Variants in NTRK3 observed in about 807,000 individuals in gnomAD.
The protein encoded by NTRK3 is NT-3 growth factor receptor.
NTRK3 carries 24 observed loss-of-function variants against 91.7 expected under a neutral mutation model. The observed-to-expected ratio is 0.26, with a 90% CI of 0.19 to 0.37. The LOEUF is 0.37. Ranked by LOEUF, NTRK3 falls within the 10% of genes least tolerant of loss-of-function variation. The probability of loss-of-function intolerance (pLI) is 1.00; values close to 1 mark genes in which losing one functional copy is unlikely to be tolerated. For synonymous variants in NTRK3, 483 were observed against 404.0 expected (o/e 1.20, Z -2.34); for missense variants, 880 against 1,068.9 (o/e 0.82, Z 2.46).
At chr15:88,114,695 A>G (rs1254009240) in intron 13 of NTRK3, among the ~76,000 whole-genome samples, 4 of 152,238 alleles carry the variant, frequency 2.6e-5, no homozygotes, top group East Asian at 3.8e-4. Context: ...AGCCTTGACT[A>G]TCTCTGAAAG....
chr15:88,127,042 C>A, intron 12 of NTRK3, 120 bp downstream of exon 12: 1 of 886,300 alleles, frequency 1.1e-6, no homozygotes, highest in South Asian at 1.4e-5. Context: ...TAGTTCAATT[C>A]ATTACTTTTT....
chr15:88,111,927 G>A (rs1305247889), intron 13 of NTRK3, among the ~76,000 whole-genome samples: 6 of 143,052 alleles, frequency 4.2e-5, no homozygotes, highest in Admixed American at 1.4e-4. Context: ...TTTTGAGACA[G>A]ACAGAGTCTC....
At chr15:88,094,393 C>T (rs1035325326) in intron 13 of NTRK3, among the ~76,000 whole-genome samples, 219 of 144,818 alleles carry the variant, frequency 1.5e-3, no homozygotes, top group African/African-American at 5.3e-3. Flanking sequence ...GGCGTGAACC[C>T]GGGAAGCGGA....
At chr15:87,864,143 G>T in exon 19 of NTRK3, 2 of 232,738 alleles carry the variant, frequency 8.6e-6, no homozygotes, top group Non-Finnish European at 8.5e-6. Context: ...GAATTTTCTT[G>T]CCCCAACTTG....
chr15:87,972,439 A>G (rs767080159), intron 14 of NTRK3, among the ~76,000 whole-genome samples: 1 of 152,120 alleles, frequency 6.6e-6, no homozygotes, highest in Non-Finnish European at 1.5e-5. Context: ...TGCTCTGCAA[A>G]CCCTCTCCAT....
intron 17 of NTRK3, among the ~76,000 whole-genome samples, chr15:87,886,465 T>A (rs970220445): frequency 6.6e-6 from 1 of 150,828 alleles, no homozygotes; most frequent in African/African-American, 2.5e-5. Context: ...TGTAAATATA[T>A]CTAAGATATA....
chr15:88,194,155 T>G (rs971763378), intron 3 of NTRK3, among the ~76,000 whole-genome samples: 2 of 152,236 alleles, frequency 1.3e-5, no homozygotes, highest in African/African-American at 4.8e-5. Flanking sequence ...TTGACTACAC[T>G]CTCTCCTGGG....
chr15:87,959,675 T>G (rs2072049127), intron 14 of NTRK3, among the ~76,000 whole-genome samples: 1 of 152,206 alleles, frequency 6.6e-6, no homozygotes, highest in African/African-American at 2.4e-5. Context: ...CTCCTCAATC[T>G]GAGGCCCTAC....
intron 5 of NTRK3, among the ~76,000 whole-genome samples, chr15:88,161,428 G>A (rs1444061517): frequency 6.6e-6 from 1 of 152,124 alleles, no homozygotes; most frequent in Admixed American, 6.5e-5. Flanking sequence ...TGCTCCTAGC[G>A]ATCACTGCCT....
At chr15:88,150,033 C>T (rs1438703845) in intron 5 of NTRK3, among the ~76,000 whole-genome samples, 1 of 152,244 alleles carries the variant, frequency 6.6e-6, no homozygotes, top group Non-Finnish European at 1.5e-5. Flanking sequence ...CTCCCTACCC[C>T]TCTCCAGTGC....
chr15:87,921,320 C>A (rs1261201896), intron 17 of NTRK3, among the ~76,000 whole-genome samples: 1 of 152,190 alleles, frequency 6.6e-6, no homozygotes, highest in Non-Finnish European at 1.5e-5. Flanking sequence ...TCCTGACAGC[C>A]AGCATCACTT....
intron 3 of NTRK3, among the ~76,000 whole-genome samples, chr15:88,207,361 C>T (rs898356666): frequency 2.0e-5 from 3 of 152,212 alleles, no homozygotes; most frequent in Non-Finnish European, 4.4e-5. Flanking sequence ...CTCTTTCCCC[C>T]CAACACCTTC....
chr15:87,941,881 T>C (rs989969100), intron 14 of NTRK3, among the ~76,000 whole-genome samples: 4 of 152,232 alleles, frequency 2.6e-5, no homozygotes, highest in African/African-American at 9.6e-5. Context: ...ACCTTTACAT[T>C]AATTGTTCAA....
intron 13 of NTRK3, among the ~76,000 whole-genome samples, chr15:88,115,495 C>A (rs1483041093): frequency 6.6e-6 from 1 of 152,218 alleles, no homozygotes; most frequent in Admixed American, 6.5e-5. Flanking sequence ...CCCGGACGCC[C>A]TCCTTGGGGC....
At chr15:87,929,156 G>C (rs1441567522) in intron 17 of NTRK3, 35 bp downstream of exon 17, 4 of 1,613,992 alleles carry the variant, frequency 2.5e-6, no homozygotes, top group Non-Finnish European at 3.4e-6. Context: ...CGCTAGCTCT[G>C]TGGCTGAGTC....
chr15:87,998,798 G>T, intron 14 of NTRK3, among the ~76,000 whole-genome samples: 1 of 152,116 alleles, frequency 6.6e-6, no homozygotes, highest in East Asian at 1.9e-4. Context: ...GAAGAGTCAA[G>T]ATAAAAATGT....
At chr15:87,869,840 G>A in exon 19 of NTRK3, 1 of 194,544 alleles carries the variant, frequency 5.1e-6, no homozygotes, top group Non-Finnish European at 1.1e-5. Flanking sequence ...CTCCAATGAG[G>A]AAAAAAAATT....
intron 13 of NTRK3, among the ~76,000 whole-genome samples, chr15:88,114,233 A>G (rs1029456131): frequency 1.6e-4 from 24 of 152,174 alleles, no homozygotes; most frequent in African/African-American, 5.8e-4. Flanking sequence ...CATGGGTCTC[A>G]CATCTGCTTT....
At chr15:87,965,128 C>A (rs2072670185) in intron 14 of NTRK3, among the ~76,000 whole-genome samples, 1 of 152,122 alleles carries the variant, frequency 6.6e-6, no homozygotes, top group Admixed American at 6.5e-5. Flanking sequence ...TTGATTCTGA[C>A]AAATAAGTAC....
Sources: gnomAD v4.1 joint callset for allele counts (sites outside exome capture counted in the v4.1 genomes callset) on GRCh38, gnomAD v4.1.1 for gene constraint, MANE v1.5 for transcripts, NCBI Gene and HGNC (gene_info 2026-07-23, HGNC 2026-07-21) for gene names.